The following XYLT1 variants were observed in gnomAD, a reference collection of about 807,000 sequenced individuals.
XYLT1 encodes xylosyltransferase 1.
In XYLT1, 36 loss-of-function variants were observed where a neutral mutation model predicts 91.3. That is an observed-to-expected ratio of 0.39 (90% CI 0.30 to 0.52). XYLT1 has a LOEUF of 0.52. XYLT1 is among the 20% of genes least tolerant of loss of function. The pLI is 0.68. For missense variants in XYLT1, 1,242 were observed against 1,284.5 expected (o/e 0.97, Z 0.51); for synonymous variants, 588 against 532.0 (o/e 1.11, Z -1.45).
chr16:17,336,494 G>A (rs983586978), intron 2 of XYLT1, among the ~76,000 whole-genome samples: 2 of 152,196 alleles, frequency 1.3e-5, no homozygotes, highest in East Asian at 1.9e-4. Context: ...TGACTCTGGG[G>A]CCCCGTCCTT....
chr16:17,323,555 A>C (rs2034755956), intron 2 of XYLT1, among the ~76,000 whole-genome samples: 1 of 152,226 alleles, frequency 6.6e-6, no homozygotes, highest in African/African-American at 2.4e-5. Context: ...GAGAAGCGGT[A>C]AACAGCAAAT....
chr16:17,147,004 G>A (rs1567295578), intron 6 of XYLT1, among the ~76,000 whole-genome samples: 1 of 152,090 alleles, frequency 6.6e-6, no homozygotes, highest in Non-Finnish European at 1.5e-5. Context: ...TTTCCCCCTT[G>A]GTAAAATACA....
At chr16:17,288,003 A>T (rs2034166961) in intron 2 of XYLT1, among the ~76,000 whole-genome samples, 1 of 150,234 alleles carries the variant, frequency 6.7e-6, no homozygotes, top group South Asian at 2.1e-4. Context: ...GCATAATCGT[A>T]GCTCACTGCC....
chr16:17,278,440 T>C lies in XYLT1; in HGVS notation c.403-18942A>G, dbSNP rs1182719502. On this transcript the variant is annotated intron_variant, in intron 2 of 11. Coordinates refer to ENST00000261381, the MANE Select transcript of XYLT1 (RefSeq NM_022166.4). ...AGGTGGGTGGGTCACTACCTCTTCCTTTAAGGGGTATTCCCATTAAGGCTT... is the reference window on the plus strand; with the variant it reads ...AGGTGGGTGGGTCACTACCTCTTCCCTTAAGGGGTATTCCCATTAAGGCTT... Among the ~76,000 whole-genome samples the C allele has an allele frequency of 2.0e-5, 3 of 152,288 alleles. No homozygotes were observed. The East Asian group carries it at 5.8e-4, about 29-fold the overall frequency.
intron 2 of XYLT1, among the ~76,000 whole-genome samples, chr16:17,301,924 T>C (rs2034401802): frequency 6.6e-6 from 1 of 151,984 alleles, no homozygotes; most frequent in African/African-American, 2.4e-5. Context: ...CTAAAATACA[T>C]GTCAGGGCTC....
intron 6 of XYLT1, among the ~76,000 whole-genome samples, chr16:17,155,024 T>G (rs1184540699): frequency 6.6e-6 from 1 of 152,220 alleles, no homozygotes; most frequent in Non-Finnish European, 1.5e-5. Context: ...GGAGACTTTC[T>G]CATGCAACCC....
chr16:17,464,630 C>CA (rs1326215669), intron 1 of XYLT1, among the ~76,000 whole-genome samples: 5 of 152,044 alleles, frequency 3.3e-5, no homozygotes. Context: ...ATCAAAATAT[C>CA]ACATGTACCC....
At chr16:17,133,455 G>GTACAT (rs780163915) in intron 9 of XYLT1, among the ~76,000 whole-genome samples, 6 of 151,790 alleles carry the variant, frequency 4.0e-5, no homozygotes, top group East Asian at 3.8e-4. Context: ...ATTTACAAGG[G>GTACAT]TACATTACTG....
intron 3 of XYLT1, among the ~76,000 whole-genome samples, chr16:17,212,868 T>C (rs2032786279): frequency 6.6e-6 from 1 of 152,226 alleles, no homozygotes; most frequent in African/African-American, 2.4e-5. Context: ...ACATATCATC[T>C]GTGAAAACGC....
chr16:17,133,671 T>C (rs1246461392), intron 9 of XYLT1, among the ~76,000 whole-genome samples: 1 of 152,206 alleles, frequency 6.6e-6, no homozygotes, highest in East Asian at 1.9e-4. Flanking sequence ...GCATATTGCT[T>C]CAGAACAAAA....
At chr16:17,245,389 G>A (rs1242183447) in intron 3 of XYLT1, among the ~76,000 whole-genome samples, 1 of 152,182 alleles carries the variant, frequency 6.6e-6, no homozygotes, top group Non-Finnish European at 1.5e-5. Flanking sequence ...ACACTTGGAG[G>A]TGAGCTATTA....
At chr16:17,241,324 A>G (rs1328645351) in intron 3 of XYLT1, among the ~76,000 whole-genome samples, 2 of 152,240 alleles carry the variant, frequency 1.3e-5, no homozygotes, top group Non-Finnish European at 2.9e-5. Context: ...AGGCTGAGAA[A>G]GCAATGGCAA....
intron 1 of XYLT1, among the ~76,000 whole-genome samples, chr16:17,426,471 G>A (rs1201401556): frequency 1.3e-5 from 2 of 152,072 alleles, no homozygotes; most frequent in African/African-American, 2.4e-5. Context: ...GCTTGAACCC[G>A]GGAGGCAGAG....
At position 17,470,872 on chromosome 16, in the gene XYLT1, C is replaced by T; in HGVS notation, c.-76G>A. 1.2e-6 allele frequency: 1 copy of T among 833,020 alleles called. No homozygotes were observed. Among genetic ancestry groups the T allele is most frequent in the Non-Finnish European group, 1.3e-6 (1 of 760,550 alleles). The allele number at this position is 833,020 out of a possible 1,614,324, so 51.6% of individuals were successfully genotyped here. A position where few individuals can be genotyped will look rare whatever the true frequency, so the allele number is the denominator to read the frequency against. On this transcript the variant is annotated 5_prime_UTR_variant, in exon 1 of 12. Transcript: ENST00000261381. ...GCCGCCCCCGCGCTCCCCGCAGCTC[C>T]CGCGGCCGCCGGCTGCCGCTCGGGC... is the stretch of plus-strand genomic sequence containing the variant.
At chr16:17,267,419 T>C (rs1339600624) in intron 2 of XYLT1, among the ~76,000 whole-genome samples, 3 of 152,238 alleles carry the variant, frequency 2.0e-5, no homozygotes, top group Non-Finnish European at 4.4e-5. Context: ...CTTTTGTTTG[T>C]TTGTTTGAGA....
At chr16:17,259,524 A>C in intron 2 of XYLT1, 26 bp from the exon 3 acceptor site, 1 of 1,594,564 alleles carries the variant, frequency 6.3e-7, no homozygotes, top group Non-Finnish European at 8.5e-7. Context: ...GAGAAACAGA[A>C]GAGAAACTTG....
At chr16:17,441,453 C>A (rs2036531323) in intron 1 of XYLT1, among the ~76,000 whole-genome samples, 2 of 152,126 alleles carry the variant, frequency 1.3e-5, no homozygotes, top group Admixed American at 1.3e-4. Flanking sequence ...GGGCCTGATT[C>A]TCTTACAGTC....
At chr16:17,243,749 G>T (rs1194569424) in intron 3 of XYLT1, among the ~76,000 whole-genome samples, 1 of 152,174 alleles carries the variant, frequency 6.6e-6, no homozygotes, top group African/African-American at 2.4e-5. Context: ...GACTCTTCAG[G>T]CTGGGGAGAG....
chr16:17,384,080 G>A (rs1452155522), intron 1 of XYLT1, among the ~76,000 whole-genome samples: 4 of 151,734 alleles, frequency 2.6e-5, no homozygotes, highest in African/African-American at 4.8e-5. Flanking sequence ...AAAGCTTTCC[G>A]GTTTCCCTCC....
Sources: allele counts gnomAD v4.1 joint callset (sites outside exome capture counted in the v4.1 genomes callset), GRCh38; gene constraint gnomAD v4.1.1; transcripts MANE v1.5; gene names NCBI Gene and HGNC (gene_info 2026-07-23, HGNC 2026-07-21).